CBR4: variants seen among roughly 807,000 people sequenced by gnomAD.
CBR4 encodes the protein 3-oxoacyl-[acyl-carrier-protein] reductase.
Under a neutral mutation model 21.0 loss-of-function variants are expected in CBR4, and 22 were observed. The ratio of observed to expected loss-of-function variants is 1.05; its 90% CI spans 0.75 to 1.50. The LOEUF is 1.50. Among genes scored for constraint, CBR4 ranks in the 40% most tolerant of loss-of-function variants. CBR4 has a pLI of 0.00. For synonymous variants in CBR4, 100 were observed against 104.4 expected (o/e 0.96, Z 0.26); for missense variants, 302 against 286.3 (o/e 1.05, Z -0.40).
chr4:168,964,244 T>G (rs1763951844), intron 2 of CBR4, among the ~76,000 whole-genome samples: 1 of 152,222 alleles, frequency 6.6e-6, no homozygotes, highest in Non-Finnish European at 1.5e-5. Context: ...TTTAGGCTGT[T>G]GTAGAAAACC....
At chr4:168,900,363 A>C (rs535198133) in intron 2 of CBR4, among the ~76,000 whole-genome samples, 3 of 152,344 alleles carry the variant, frequency 2.0e-5, no homozygotes, top group African/African-American at 7.2e-5. Context: ...AATCTTAAGT[A>C]ACCTCTAAAA....
Position 168,989,446 on chromosome 4 carries a change from C to A in CBR4, c.*704G>T, listed in dbSNP as rs1578989159. 1.0e-6 allele frequency: 1 copy of A among 985,328 alleles called. No homozygotes were observed. Among genetic ancestry groups the A allele is most frequent in the Non-Finnish European group, 1.2e-6 (1 of 829,870 alleles). The allele number at this position is 985,328 out of a possible 1,614,324, so 61.0% of individuals were successfully genotyped here. On this transcript the variant is annotated 3_prime_UTR_variant, in exon 5 of 5. Transcript: ENST00000306193. ...TCTAGCTGCTCAATCAAGAGAAATA[C>A]CACTCAAAGAAATCAATTCTAAATT...
intron 2 of CBR4, chr4:168,916,090 T>G: frequency 5.4e-6 from 8 of 1,476,002 alleles, no homozygotes; most frequent in Non-Finnish European, 5.6e-6. Flanking sequence ...GCCATTTCTC[T>G]ATAGTTCCTT....
intron 2 of CBR4, chr4:168,921,861 A>G: frequency 1.2e-6 from 1 of 828,868 alleles, no homozygotes; most frequent in East Asian, 2.6e-5. Flanking sequence ...AGATTGTATC[A>G]TCAAAATAGC....
At chr4:169,001,270 G>C (rs950304868) in intron 4 of CBR4, 1 of 151,762 alleles carries the variant, frequency 6.6e-6, no homozygotes, top group African/African-American at 2.4e-5. Context: ...ATACCTGGTA[G>C]GACATTATTT....
At chr4:169,008,929 A>T (rs1007703723) in intron 1 of CBR4, 48 of 452,544 alleles carry the variant, frequency 1.1e-4, no homozygotes, top group Non-Finnish European at 2.0e-4. Flanking sequence ...CAATAATGTT[A>T]ACTTAAAAAT....
chr4:168,982,792 A>G (rs531186225), downstream of CBR4, among the ~76,000 whole-genome samples: 128 of 152,370 alleles, frequency 8.4e-4, 1 homozygote, highest in South Asian at 4.1e-3. Context: ...TTAAATGGAC[A>G]TTAAACAATC....
intron 2 of CBR4, among the ~76,000 whole-genome samples, chr4:168,980,524 T>A (rs1323927226): frequency 6.6e-6 from 1 of 151,826 alleles, no homozygotes; most frequent in Non-Finnish European, 1.5e-5. Flanking sequence ...TCACTCAAGG[T>A]CAGGAGTTCA....
chr4:168,977,462 T>G lies in CBR4; in HGVS notation n.169+24609A>C, dbSNP rs189086455. ...GCTGCTGGTGTTCCTCAAGGTTCCA[T>G]CCTATGCCCACACATAGAACAGTGC... On this transcript the variant is annotated intron_variant and non_coding_transcript_variant, in intron 2 of 3. Transcript: ENST00000509108. Among the ~76,000 whole-genome samples the G allele has an allele frequency of 2.6e-4, 39 of 152,270 alleles. 1 individual carries two copies. Among genetic ancestry groups the G allele is most frequent in the African/African-American group, 8.7e-4 (36 of 41,518 alleles).
At chr4:168,934,834 G>A (rs1763064525) in intron 2 of CBR4, among the ~76,000 whole-genome samples, 1 of 152,104 alleles carries the variant, frequency 6.6e-6, no homozygotes, top group Non-Finnish European at 1.5e-5. Context: ...TTATTTTACA[G>A]GGCCAGCATA....
Position 169,007,655 on chromosome 4 carries a change from T to C in CBR4, c.244A>G (p.Asn82Asp), listed in dbSNP as rs1366813741. ...KHLGRVNFLV[N>D]AAGINRDGLL... ...ACCAACCTGTTAATACCAGCTGCATTTACCAAGAAATTTACTCGACCTAAA... is the reference window on the plus strand; with the variant it reads ...ACCAACCTGTTAATACCAGCTGCATCTACCAAGAAATTTACTCGACCTAAA... Residue 82 changes from asparagine to aspartate, a missense_variant, in exon 2 of 5, where the codon AAT becomes GAT. Coordinates refer to ENST00000306193, the MANE Select transcript of CBR4 (RefSeq NM_032783.5). 6.3e-7 allele frequency: 1 copy of C among 1,583,510 alleles called. No homozygotes were observed. The highest frequency in any genetic ancestry group is 1.8e-5 in the Admixed American group (1 of 55,090).
intron 2 of CBR4, chr4:168,921,490 C>A: frequency 7.4e-7 from 1 of 1,342,680 alleles, no homozygotes. Flanking sequence ...TGATTTCACT[C>A]TGTTTTAATA....
chr4:168,906,972 G>A (rs989543603), intron 2 of CBR4, among the ~76,000 whole-genome samples: 17 of 152,152 alleles, frequency 1.1e-4, no homozygotes, highest in Admixed American at 3.3e-4. Context: ...GGATGAGGCC[G>A]GCAGGCCATG....
chr4:168,916,148 C>A (rs1037613400), intron 2 of CBR4: 3 of 977,480 alleles, frequency 3.1e-6, no homozygotes, highest in Non-Finnish European at 4.9e-6. Context: ...CACAGTGGCT[C>A]ACACCTATAA....
chr4:168,962,633 AAGAAAAATAC>A, intron 2 of CBR4, among the ~76,000 whole-genome samples: 1 of 152,374 alleles, frequency 6.6e-6, no homozygotes, highest in East Asian at 1.9e-4. Flanking sequence ...TAGGATATTC[AAGAAAAATAC>A]AGTTAAATAT....
chr4:168,951,890 C>T (rs1763550102), intron 2 of CBR4, among the ~76,000 whole-genome samples: 1 of 152,136 alleles, frequency 6.6e-6, no homozygotes, highest in Non-Finnish European at 1.5e-5. Context: ...TGACAATGTG[C>T]CTAGGTGATG....
intron 1 of CBR4, among the ~76,000 whole-genome samples, chr4:169,008,238 C>T (rs138361630): frequency 1.3e-5 from 2 of 151,966 alleles, no homozygotes; most frequent in African/African-American, 2.4e-5. Context: ...TATATTATAA[C>T]GACTATTATT....
intron 2 of CBR4, among the ~76,000 whole-genome samples, chr4:168,955,713 G>T (rs1467324239): frequency 6.6e-6 from 1 of 152,028 alleles, no homozygotes; most frequent in East Asian, 1.9e-4. Context: ...AAGATTAAAG[G>T]CTGGGAAAAC....
intron 2 of CBR4, among the ~76,000 whole-genome samples, chr4:168,930,520 A>T (rs1430307294): frequency 6.6e-6 from 1 of 152,236 alleles, no homozygotes; most frequent in African/African-American, 2.4e-5. Context: ...GGGAAGTTAC[A>T]TAAGAGTGAT....
Sources: gnomAD v4.1 joint callset for allele counts (sites outside exome capture counted in the v4.1 genomes callset) on GRCh38, gnomAD v4.1.1 for gene constraint, MANE v1.5 for transcripts, NCBI Gene and HGNC (gene_info 2026-07-23, HGNC 2026-07-21) for gene names.